The following PDZD2 variants were observed in gnomAD, a reference collection of about 807,000 sequenced individuals.
The protein encoded by PDZD2 is PDZ domain containing 2.
In PDZD2, 90 loss-of-function variants were observed where a neutral mutation model predicts 220.7. The ratio of observed to expected loss-of-function variants is 0.41; its 90% CI spans 0.34 to 0.49. The LOEUF is 0.49. Ranked by LOEUF, PDZD2 falls within the 20% of genes least tolerant of loss-of-function variation. PDZD2 has a pLI of 0.28. For synonymous variants in PDZD2, 1,375 were observed against 1,450.5 expected (o/e 0.95, Z 1.18); for missense variants, 3,174 against 3,608.5 (o/e 0.88, Z 3.08).
At chr5:31,794,447 C>T (rs2150224210) in intron 1 of PDZD2, among the ~76,000 whole-genome samples, 1 of 133,302 alleles carries the variant, frequency 7.5e-6, no homozygotes, top group Non-Finnish European at 1.5e-5. Flanking sequence ...GTCGCCCAGG[C>T]TGGAGTGCAG....
intron 2 of PDZD2, among the ~76,000 whole-genome samples, chr5:31,863,094 G>T (rs62361592): frequency 0.042 from 6,371 of 152,258 alleles, 155 homozygotes; most frequent in Non-Finnish European, 0.054. Flanking sequence ...ATGTTGGTCA[G>T]GCTGGTCTCG....
chr5:31,685,996 G>A (rs932675194), intron 1 of PDZD2, among the ~76,000 whole-genome samples: 2 of 151,986 alleles, frequency 1.3e-5, no homozygotes, highest in Non-Finnish European at 2.9e-5. Flanking sequence ...TCAGGAGTTC[G>A]AGATCAGCCT....
At chr5:31,790,964 C>T (rs1426252235) in intron 1 of PDZD2, among the ~76,000 whole-genome samples, 2 of 151,928 alleles carry the variant, frequency 1.3e-5, no homozygotes, top group Non-Finnish European at 2.9e-5. Flanking sequence ...TCCCAAAGTG[C>T]TGGGATTACA....
chr5:31,907,468 G>C (rs1443859858), intron 2 of PDZD2, among the ~76,000 whole-genome samples: 1 of 152,148 alleles, frequency 6.6e-6, no homozygotes, highest in Non-Finnish European at 1.5e-5. Context: ...TATTTTGAGA[G>C]GGGACACAGT....
intron 2 of PDZD2, among the ~76,000 whole-genome samples, chr5:31,873,181 C>G (rs1738984556): frequency 6.6e-6 from 1 of 152,002 alleles, no homozygotes; most frequent in East Asian, 1.9e-4. Flanking sequence ...GGTCACAGAT[C>G]CTAGCACTTT....
intron 2 of PDZD2, among the ~76,000 whole-genome samples, chr5:31,905,472 G>A (rs1742560258): frequency 6.6e-6 from 1 of 152,214 alleles, no homozygotes; most frequent in Non-Finnish European, 1.5e-5. Context: ...GCCAGTTAGT[G>A]TAATCTTCCT....
chr5:31,732,266 G>A (rs1240965182), intron 1 of PDZD2, among the ~76,000 whole-genome samples: 3 of 152,180 alleles, frequency 2.0e-5, no homozygotes, highest in African/African-American at 7.2e-5. Flanking sequence ...TCAGTGTGGA[G>A]AGGTGGGGTA....
intron 1 of PDZD2, among the ~76,000 whole-genome samples, chr5:31,764,565 T>C (rs560947257): frequency 6.6e-6 from 1 of 152,306 alleles, no homozygotes; most frequent in South Asian, 2.1e-4. Flanking sequence ...GGAAATCTGA[T>C]GGCAGAAAGG....
At chr5:32,050,286 G>A (rs764715776) in intron 8 of PDZD2, among the ~76,000 whole-genome samples, 5 of 152,120 alleles carry the variant, frequency 3.3e-5, no homozygotes, top group Non-Finnish European at 5.9e-5. Context: ...GCCACAGATC[G>A]AGCGTTGAGG....
At chr5:31,822,731 C>G in intron 2 of PDZD2, 1 of 1,235,586 alleles carries the variant, frequency 8.1e-7, no homozygotes, top group South Asian at 1.2e-5. Flanking sequence ...GTTTGAGATA[C>G]TGAACAAGGA....
intron 2 of PDZD2, among the ~76,000 whole-genome samples, chr5:31,947,336 C>T (rs1746734305): frequency 6.6e-6 from 1 of 152,172 alleles, no homozygotes; most frequent in Non-Finnish European, 1.5e-5. Flanking sequence ...ACAAATTTAA[C>T]CTGAGCATCC....
chr5:31,822,567 A>G, intron 2 of PDZD2: 3 of 924,994 alleles, frequency 3.2e-6, no homozygotes, highest in Admixed American at 1.9e-5. Flanking sequence ...CTTATTAATC[A>G]GCCTCCTGAA....
intron 1 of PDZD2, among the ~76,000 whole-genome samples, chr5:31,798,207 A>G (rs1754159823): frequency 6.6e-6 from 1 of 152,198 alleles, no homozygotes; most frequent in African/African-American, 2.4e-5. Flanking sequence ...ATTTGGAGAA[A>G]CATTCCTCTG....
chr5:32,064,992 AGT>A, intron 14 of PDZD2, among the ~76,000 whole-genome samples: 1 of 149,064 alleles, frequency 6.7e-6, no homozygotes, highest in South Asian at 2.1e-4. Flanking sequence ...ATAAAATCAA[AGT>A]GTTCATTAAG....
chr5:31,911,310 G>C (rs915826333), intron 2 of PDZD2, among the ~76,000 whole-genome samples: 14 of 152,194 alleles, frequency 9.2e-5, no homozygotes, highest in African/African-American at 3.4e-4. Flanking sequence ...TTTTGTAGAT[G>C]AATCAATTCA....
At chr5:31,923,489 T>C in intron 2 of PDZD2, 1 of 949,760 alleles carries the variant, frequency 1.1e-6, no homozygotes, top group South Asian at 1.3e-5. Context: ...GGGGTGCAGA[T>C]CCTGGAATGT....
At chr5:31,976,933 G>T (rs1749838269) in intron 2 of PDZD2, among the ~76,000 whole-genome samples, 1 of 151,326 alleles carries the variant, frequency 6.6e-6, no homozygotes, top group Non-Finnish European at 1.5e-5. Flanking sequence ...GGTCAGGCTG[G>T]TCTCGAACTC....
chr5:31,930,601 C>T (rs10077297), intron 2 of PDZD2, among the ~76,000 whole-genome samples: 144,833 of 152,252 alleles, frequency 0.95, 68,959 homozygotes, highest in African/African-American at 0.99. Flanking sequence ...CTTTGGACAA[C>T]GAGAAATTAT....
intron 3 of PDZD2, among the ~76,000 whole-genome samples, chr5:31,987,201 A>C (rs1230501130): frequency 6.6e-6 from 1 of 152,206 alleles, no homozygotes; most frequent in African/African-American, 2.4e-5. Flanking sequence ...AATACAACCA[A>C]ATGTAGTCAC....
Sources: gnomAD v4.1 joint callset for allele counts (sites outside exome capture counted in the v4.1 genomes callset) on GRCh38, gnomAD v4.1.1 for gene constraint, MANE v1.5 for transcripts, NCBI Gene and HGNC (gene_info 2026-07-23, HGNC 2026-07-21) for gene names.